CDH19: variants seen among roughly 807,000 people sequenced by gnomAD.
The protein encoded by CDH19 is cadherin-19.
In CDH19, 67 loss-of-function variants were observed where a neutral mutation model predicts 64.2. The observed-to-expected ratio is 1.04, with a 90% confidence interval of 0.86 to 1.28. The LOEUF (loss-of-function observed/expected upper bound fraction) is 1.28, where lower values mean the gene tolerates loss of function less well. Ranked by LOEUF, CDH19 falls within the 50% of genes most tolerant of loss-of-function variation. The pLI is 0.00. For synonymous variants in CDH19, 346 were observed against 319.3 expected (o/e 1.08, Z -0.89); for missense variants, 1,030 against 929.0 (o/e 1.11, Z -1.41).
intron 7 of CDH19, among the ~76,000 whole-genome samples, chr18:66,538,181 G>T (rs1268977813): frequency 6.6e-6 from 1 of 151,884 alleles, no homozygotes; most frequent in African/African-American, 2.4e-5. Context: ...TCTAGATTTA[G>T]AATTGAAATA....
intron 2 of CDH19, among the ~76,000 whole-genome samples, chr18:66,570,309 G>A (rs1448869816): frequency 6.6e-6 from 1 of 151,388 alleles, no homozygotes; most frequent in Non-Finnish European, 1.5e-5. Flanking sequence ...CAGATTTAAG[G>A]GAAGACAGAA....
chr18:66,550,737 ACT>A (rs1169208011), intron 5 of CDH19, among the ~76,000 whole-genome samples: 12 of 151,918 alleles, frequency 7.9e-5, no homozygotes, highest in Non-Finnish European at 1.2e-4. Context: ...AGAGACCTTA[ACT>A]CTATATACAT....
Position 66,548,268 on chromosome 18 carries a change from T to TA in CDH19, c.775+2825dup, listed in dbSNP as rs372768193. Among the ~76,000 whole-genome samples the TA allele has an allele frequency of 4.5e-3, 661 of 146,060 alleles. 9 individuals carry two copies. The highest frequency in any genetic ancestry group is 0.015 in the African/African-American group (617 of 40,068). ...CTTTATATATATATATATATTTTTT[T>TA]AAAAATATATAATATATGAAGTTGA... On this transcript the variant is annotated intron_variant, in intron 5 of 11. Transcript: ENST00000262150.
intron 5 of CDH19, among the ~76,000 whole-genome samples, chr18:66,545,307 G>A (rs1338358910): frequency 6.6e-6 from 1 of 151,820 alleles, no homozygotes; most frequent in African/African-American, 2.4e-5. Context: ...TTTTTGATCT[G>A]TAGGGAATCC....
At chr18:66,548,089 ATT>A (rs1221768081) in intron 5 of CDH19, among the ~76,000 whole-genome samples, 2 of 146,868 alleles carry the variant, frequency 1.4e-5, no homozygotes, top group Non-Finnish European at 3.0e-5. Context: ...ATATAAATAT[ATT>A]ATATATTTGT....
At chr18:66,582,959 C>T (rs1183016201) in intron 1 of CDH19, among the ~76,000 whole-genome samples, 1 of 152,044 alleles carries the variant, frequency 6.6e-6, no homozygotes, top group Non-Finnish European at 1.5e-5. Flanking sequence ...TAAATAAATG[C>T]TGGTGAAATT....
intron 1 of CDH19, among the ~76,000 whole-genome samples, chr18:66,600,876 T>A (rs1453171849): frequency 6.6e-6 from 1 of 151,890 alleles, no homozygotes; most frequent in Non-Finnish European, 1.5e-5. Context: ...TAAACCAATG[T>A]CTTACATAGT....
intron 1 of CDH19, among the ~76,000 whole-genome samples, chr18:66,599,572 G>A (rs1392399150): frequency 6.6e-6 from 1 of 151,972 alleles, no homozygotes; most frequent in East Asian, 1.9e-4. Flanking sequence ...CACAAAAAAT[G>A]TTAAATATTT....
intron 3 of CDH19, among the ~76,000 whole-genome samples, chr18:66,560,121 G>A (rs1022387684): frequency 6.6e-6 from 1 of 152,002 alleles, no homozygotes; most frequent in Non-Finnish European, 1.5e-5. Context: ...TGCAACTTCC[G>A]CAAGGCAATT....
At chr18:66,533,292 T>A (rs185444348) in intron 8 of CDH19, among the ~76,000 whole-genome samples, 1 of 151,986 alleles carries the variant, frequency 6.6e-6, no homozygotes, top group African/African-American at 2.4e-5. Flanking sequence ...ATTTTGAGAC[T>A]TTTCTCCATT....
intron 1 of CDH19, among the ~76,000 whole-genome samples, chr18:66,597,480 T>C (rs1354484807): frequency 6.6e-6 from 1 of 152,004 alleles, no homozygotes; most frequent in Non-Finnish European, 1.5e-5. Context: ...TAAATGTAAA[T>C]CCTACAACTA....
At chr18:66,582,783 C>A (rs1988463437) in intron 1 of CDH19, among the ~76,000 whole-genome samples, 1 of 151,836 alleles carries the variant, frequency 6.6e-6, no homozygotes, top group South Asian at 2.1e-4. Flanking sequence ...AGATATACAG[C>A]AACAAGTGCC....
At chr18:66,510,548 A>T (rs1039889884) in intron 10 of CDH19, among the ~76,000 whole-genome samples, 59 of 145,560 alleles carry the variant, frequency 4.1e-4, no homozygotes, top group Non-Finnish European at 7.7e-4. Context: ...TAATAATAAA[A>T]AATAAATAAA....
rs1464094294 is a variant in CDH19, at chr18:66,504,402, A to T, written c.*410T>A. 6.5e-6 allele frequency: 1 copy of T among 154,376 alleles called. No individual in the cohort carries two copies. Among genetic ancestry groups the T allele is most frequent in the African/African-American group, 2.4e-5 (1 of 41,258 alleles). 9.6% of individuals were successfully genotyped at this position (154,376 alleles called of 1,614,324 possible). ...TTTCATGTCAATATGATAGAAATGT[A>T]AATGTTATCTCGATTTGTACATTTC... On this transcript the variant is annotated 3_prime_UTR_variant, in exon 12 of 12. Transcript: ENST00000262150.
chr18:66,531,797 A>T (rs1387406692), intron 8 of CDH19, among the ~76,000 whole-genome samples: 1 of 152,174 alleles, frequency 6.6e-6, no homozygotes, highest in Non-Finnish European at 1.5e-5. Context: ...AAACATATAC[A>T]TAAAGCAATT....
In CDH19 at chr18:66,554,493, A is replaced by T; in HGVS notation, c.522T>A (p.Asp174Glu). The T allele has an allele frequency of 6.2e-7, 1 of 1,611,168 alleles. No homozygotes were observed. Among genetic ancestry groups the T allele is most frequent in the Non-Finnish European group, 8.5e-7 (1 of 1,177,868 alleles). The change falls in exon 4 of 12, where the codon GAT (aspartate) becomes GAA (glutamate). Residue 174 changes from aspartate (D) to glutamate (E), a missense_variant. Asp to Glu is a conservative substitution (Grantham distance 45). Coordinates refer to ENST00000262150, the MANE Select transcript of CDH19 (RefSeq NM_021153.4). ...TATTACCACTTGAGGGATCGTCAGC[A>T]TCACTTGCTGTCACCTGGATAACTA... ...GTLVIQVTAS[D>E]ADDPSSGNNA... is the part of the protein sequence containing the mutation.
chr18:66,597,306 T>C lies in CDH19; in HGVS notation c.-113+6648A>G, dbSNP rs541931401. On this transcript the variant is annotated intron_variant, in intron 1 of 11. Transcript: ENST00000262150. ...CTGGTTAGAGAACCTAGAGGCTGCATATCCACAACCATCTGATCTTCGATG... is the reference window on the plus strand; with the variant it reads ...CTGGTTAGAGAACCTAGAGGCTGCACATCCACAACCATCTGATCTTCGATG... 4.0e-5 allele frequency among the ~76,000 whole-genome samples: 6 copies of C among 151,892 alleles called. No homozygotes were observed. In the South Asian group the frequency reaches 1.2e-3, roughly 32 times the overall value.
Position 66,505,558 on chromosome 18 carries a change from TTAATATATATATAATA to T in CDH19, c.1829-272_1829-257del, listed in dbSNP as rs914113124. ...TGAACTATATTTATTAATATATATA[TTAATATATATATAATA>T]TAATATATATAGTGAACTATATATA... On this transcript the variant is annotated intron_variant, in intron 11 of 11. Coordinates refer to ENST00000262150, the MANE Select transcript of CDH19 (RefSeq NM_021153.4). Among the ~76,000 whole-genome samples, 10 of 135,138 alleles carry T rather than the reference TTAATATATATATAATA, an allele frequency of 7.4e-5. No individual in the cohort carries two copies. In the Admixed American group the frequency reaches 7.8e-4, roughly 11 times the overall value. 88.7% of individuals were successfully genotyped at this position (135,138 alleles called of 152,430 possible).
chr18:66,504,569 T>G lies in CDH19; in HGVS notation c.*243A>C. ...TACTTTTAATATCTTCCTAAATTATTTTACTTCAAATCTGGTTGTATTGAT... is the reference window on the plus strand; with the variant it reads ...TACTTTTAATATCTTCCTAAATTATGTTACTTCAAATCTGGTTGTATTGAT... On this transcript the variant is annotated 3_prime_UTR_variant, in exon 12 of 12. Coordinates refer to ENST00000262150, the MANE Select transcript of CDH19 (RefSeq NM_021153.4). 1 of 380,404 alleles carries G rather than the reference T, an allele frequency of 2.6e-6. No individual in the cohort carries two copies. Among genetic ancestry groups the G allele is most frequent in the East Asian group, 3.7e-5 (1 of 27,154 alleles). The allele number at this position is 380,404 out of a possible 1,614,324, so 23.6% of individuals were successfully genotyped here. A position where few individuals can be genotyped will look rare whatever the true frequency, so the allele number is the denominator to read the frequency against.
Sources: allele counts gnomAD v4.1 joint callset (sites outside exome capture counted in the v4.1 genomes callset), GRCh38; gene constraint gnomAD v4.1.1; transcripts MANE v1.5; gene names NCBI Gene and HGNC (gene_info 2026-07-23, HGNC 2026-07-21).